FZR1: variants seen among roughly 807,000 people sequenced by gnomAD.
FZR1 encodes the protein fizzy and cell division cycle 20 related 1.
Under a neutral mutation model 63.6 loss-of-function variants are expected in FZR1, and 11 were observed. That is an observed-to-expected ratio of 0.17 (90% confidence interval 0.11 to 0.29). The LOEUF (loss-of-function observed/expected upper bound fraction) is 0.29. FZR1 is among the 10% of genes least tolerant of loss of function. The pLI is 1.00. For missense variants in FZR1, 440 were observed against 687.5 expected (o/e 0.64, Z 4.03); for synonymous variants, 328 against 297.9 (o/e 1.10, Z -1.04).
chr19:3,509,841 G>T (rs2083012139), intron 1 of FZR1, among the ~76,000 whole-genome samples: 1 of 152,148 alleles, frequency 6.6e-6, no homozygotes, highest in Admixed American at 6.5e-5. Flanking sequence ...GGTTTTGTGC[G>T]TCTCCTTATT....
In FZR1 at chr19:3,526,054, T is replaced by C; in HGVS notation, c.195+61T>C. On this transcript the variant is annotated intron_variant, in intron 3 of 13. Transcript: ENST00000441788. This position sits in a 1 kb window ranked among gnomAD's most constrained non-coding sequence, Gnocchi z 5.4. ...GGGAAGCCCAGGGCCCCTCCCAGCC[T>C]CCTTGCTCTAGGGCCGGGAACAAGC... 1 of 1,611,326 alleles carries C rather than the reference T, an allele frequency of 6.2e-7. No individual in the cohort carries two copies. Among genetic ancestry groups the C allele is most frequent in the South Asian group, 1.1e-5 (1 of 91,058 alleles).
At chr19:3,534,724 T>C (rs985277362) in intron 13 of FZR1, 71 bp from the exon 14 acceptor site, 1 of 1,418,578 alleles carries the variant, frequency 7.0e-7, no homozygotes, top group Non-Finnish European at 1.0e-6. Context: ...CCCAAAGCCT[T>C]GGGGACCCTC....
chr19:3,513,107 G>A (rs937782538), intron 1 of FZR1, among the ~76,000 whole-genome samples: 2 of 152,050 alleles, frequency 1.3e-5, no homozygotes, highest in Non-Finnish European at 2.9e-5. Context: ...AGGTGGTCTG[G>A]GGACACCTGG....
intron 2 of FZR1, among the ~76,000 whole-genome samples, chr19:3,524,536 G>A (rs2121956187): frequency 6.6e-6 from 1 of 152,344 alleles, no homozygotes; most frequent in East Asian, 1.9e-4. Flanking sequence ...ACAGGCTGGG[G>A]GCAGGGAGAT....
At position 3,515,142 on chromosome 19, in the gene FZR1, C is replaced by A. The variant is rs1288463984; in HGVS notation, c.-34-7814C>A. ...AGCATCCCCACTAGGCACCCCCGGG[C>A]CAGGGACAAGAACCTCTGCAGGGCC... On this transcript the variant is annotated intron_variant, in intron 1 of 13. Transcript: ENST00000441788. This position sits in a 1 kb window ranked among gnomAD's most constrained non-coding sequence, Gnocchi z 4.6. Among the ~76,000 whole-genome samples the A allele has an allele frequency of 6.6e-6, 1 of 152,198 alleles. No homozygotes were observed. The highest frequency in any genetic ancestry group is 2.4e-5 in the African/African-American group (1 of 41,444).
intron 8 of FZR1, 104 bp from the exon 9 acceptor site, chr19:3,531,610 C>A: frequency 2.7e-6 from 2 of 753,440 alleles, no homozygotes; most frequent in South Asian, 1.8e-5. Flanking sequence ...GGAAACCGTC[C>A]CAGAGCCCTG....
At chr19:3,507,793 C>A (rs773989843) in intron 1 of FZR1, among the ~76,000 whole-genome samples, 2 of 152,236 alleles carry the variant, frequency 1.3e-5, no homozygotes, top group African/African-American at 2.4e-5. Context: ...GGCCGTCTGT[C>A]ATGCGGAATT....
Position 3,526,999 on chromosome 19 carries a change from G to A in FZR1, c.407G>A (p.Arg136His), listed in dbSNP as rs1568235906. ...CCACAGTATTCCCTTAGCACCAAGC[G>A]CTCCAGCCCCGATGACGGCAACGAT... ...GLFTYSLSTK[R>H]SSPDDGNDVS... Residue 136 changes from arginine to histidine, a missense_variant, in exon 6 of 14, where the codon CGC becomes CAC. Arg to His is a conservative substitution (Grantham distance 29). Coordinates refer to ENST00000441788, the MANE Select transcript of FZR1 (RefSeq NM_016263.4). The surrounding 1 kb of genome is among the most constrained non-coding windows in gnomAD (Gnocchi z 5.4). 1.9e-6 allele frequency: 3 copies of A among 1,612,090 alleles called. No homozygotes were observed. Among genetic ancestry groups the A allele is most frequent in the South Asian group, 1.1e-5 (1 of 91,084 alleles).
At chr19:3,521,270 A>G (rs965645955) in intron 1 of FZR1, 3 of 152,138 alleles carry the variant, frequency 2.0e-5, no homozygotes, top group African/African-American at 7.2e-5. Flanking sequence ...ACATAACTTT[A>G]TCATCACTTA....
Position 3,525,984 on chromosome 19 carries a change from C to T in FZR1, c.186C>T (p.His62=), listed in dbSNP as rs1316810284. The change falls in exon 3 of 14, where the codon CAC becomes CAT. Residue 62 remains histidine, a synonymous_variant. Coordinates refer to ENST00000441788, the MANE Select transcript of FZR1 (RefSeq NM_016263.4). The surrounding 1 kb of genome is among the most constrained non-coding windows in gnomAD (Gnocchi z 4.2). The part of the protein sequence containing the change: ...RAGANWSVNF[H]RINENEKSPS... ...GAGCCAACTGGAGCGTGAACTTCCA[C>T]AGGATTAACGTGAGGGGCTGGCTGG... 1.2e-6 allele frequency: 2 copies of T among 1,612,194 alleles called. No individual in the cohort carries two copies. Among genetic ancestry groups the T allele is most frequent in the South Asian group, 1.1e-5 (1 of 91,050 alleles).
At chr19:3,522,462 G>A (rs988941299) in intron 1 of FZR1, among the ~76,000 whole-genome samples, 5 of 152,186 alleles carry the variant, frequency 3.3e-5, no homozygotes, top group African/African-American at 1.2e-4. Flanking sequence ...TGATGTCCCT[G>A]GAGCTGTGAC....
At position 3,526,401 on chromosome 19, in the gene FZR1, C is replaced by G; in HGVS notation, c.387+15C>G. On this transcript the variant is annotated intron_variant, in intron 5 of 13. Coordinates refer to ENST00000441788, the MANE Select transcript of FZR1 (RefSeq NM_016263.4). This position sits in a 1 kb window ranked among gnomAD's most constrained non-coding sequence, Gnocchi z 5.4. Reference sequence around the variant, plus strand: ...GTCTGTTCACGGTAAGCCTGCGGCACCCCCCACCCGGGAGCTGGCTCCCAG... The same window carrying G: ...GTCTGTTCACGGTAAGCCTGCGGCAGCCCCCACCCGGGAGCTGGCTCCCAG... The G allele has an allele frequency of 6.4e-7, 1 of 1,551,068 alleles. No individual in the cohort carries two copies. Among genetic ancestry groups the G allele is most frequent in the South Asian group, 1.2e-5 (1 of 85,758 alleles).
rs545573181 is a variant in FZR1, at chr19:3,525,162, T to G, written c.70-706T>G. ...CTTGTGCCGTCAAGGCCTGCGTCTG[T>G]GATCATCTAGAGACGGTGAATGCAT... On this transcript the variant is annotated intron_variant, in intron 2 of 13. Transcript: ENST00000441788. This position sits in a 1 kb window ranked among gnomAD's most constrained non-coding sequence, Gnocchi z 4.2. 6.6e-6 allele frequency among the ~76,000 whole-genome samples: 1 copy of G among 152,122 alleles called. No individual in the cohort carries two copies. The highest frequency in any genetic ancestry group is 2.4e-5 in the African/African-American group (1 of 41,410).
In FZR1 at chr19:3,516,400, A is replaced by G. The variant is rs1347932894; in HGVS notation, c.-34-6556A>G. ...CCCTCAGTTTGTCATCTGTTTTTTAACTGTGTTGGTGGTGTGTCTGCCCTG... is the reference window on the plus strand; with the variant it reads ...CCCTCAGTTTGTCATCTGTTTTTTAGCTGTGTTGGTGGTGTGTCTGCCCTG... On this transcript the variant is annotated intron_variant, in intron 1 of 13. Transcript: ENST00000441788. The surrounding 1 kb of genome is among the most constrained non-coding windows in gnomAD (Gnocchi z 6.0). Among the ~76,000 whole-genome samples the G allele has an allele frequency of 6.6e-6, 1 of 151,818 alleles. No homozygotes were observed. The highest frequency in any genetic ancestry group is 1.5e-5 in the Non-Finnish European group (1 of 67,934).
chr19:3,528,694 A>C (rs1037126619), intron 7 of FZR1, among the ~76,000 whole-genome samples: 3 of 117,252 alleles, frequency 2.6e-5, no homozygotes, highest in Admixed American at 8.1e-5. Context: ...TGAGCGGATG[A>C]GAGAGTGGAT....
chr19:3,528,950 G>A (rs79575266), intron 7 of FZR1, among the ~76,000 whole-genome samples: 36,914 of 149,836 alleles, frequency 0.25, 6,418 homozygotes, highest in East Asian at 0.82. Context: ...ATGGGAGAGC[G>A]GATGGGTGAG....
chr19:3,526,908 TG>T lies in FZR1; in HGVS notation c.388-69del. On this transcript the variant is annotated intron_variant, in intron 5 of 13. Transcript: ENST00000441788. The surrounding 1 kb of genome is among the most constrained non-coding windows in gnomAD (Gnocchi z 5.4). ...AGGGCTATGAGCTGTACCGGGAGCGTGGGCTGCTGGGGGGCTCTGAGGGTCC... is the reference window on the plus strand; with the variant it reads ...AGGGCTATGAGCTGTACCGGGAGCGTGGCTGCTGGGGGGCTCTGAGGGTCC... 9.7e-7 allele frequency: 1 copy of T among 1,032,368 alleles called. No homozygotes were observed. The highest frequency in any genetic ancestry group is 1.5e-6 in the Non-Finnish European group (1 of 662,184). 64.0% of individuals were successfully genotyped at this position (1,032,368 alleles called of 1,614,324 possible).
intron 1 of FZR1, among the ~76,000 whole-genome samples, chr19:3,519,900 G>A (rs1297671759): frequency 1.3e-5 from 2 of 152,020 alleles, no homozygotes; most frequent in African/African-American, 2.4e-5. Context: ...CAGCTCTCCT[G>A]GGGCTCAGGA....
intron 7 of FZR1, among the ~76,000 whole-genome samples, chr19:3,529,491 C>G (rs2083208216): frequency 8.9e-6 from 1 of 112,656 alleles, no homozygotes. Context: ...GATGGGAGAG[C>G]AGATGGGTGA....
Sources: allele counts gnomAD v4.1 joint callset (sites outside exome capture counted in the v4.1 genomes callset), GRCh38; gene constraint gnomAD v4.1.1; non-coding constraint Gnocchi (gnomAD v3.1); transcripts MANE v1.5; gene names NCBI Gene and HGNC (gene_info 2026-07-23, HGNC 2026-07-21).